ARL13B: variants seen among roughly 807,000 people sequenced by gnomAD.
ARL13B encodes ARF like GTPase 13B.
In ARL13B, 36 loss-of-function variants were observed where a neutral mutation model predicts 56.1. The observed-to-expected ratio is 0.64, with a 90% CI of 0.49 to 0.85. The LOEUF (loss-of-function observed/expected upper bound fraction) is 0.85. Among genes scored for constraint, ARL13B ranks in the 40% least tolerant of loss-of-function variants. ARL13B has a pLI of 0.00. For missense variants in ARL13B, 519 were observed against 507.1 expected (o/e 1.02, Z -0.23); for synonymous variants, 178 against 171.1 (o/e 1.04, Z -0.32).
intron 3 of ARL13B, among the ~76,000 whole-genome samples, chr3:94,032,366 T>G (rs2076690881): frequency 6.6e-6 from 1 of 152,204 alleles, no homozygotes; most frequent in South Asian, 2.1e-4. Context: ...CTCACACCAG[T>G]CAGAATTTTT....
At chr3:94,031,725 G>C (rs965272739) in intron 3 of ARL13B, among the ~76,000 whole-genome samples, 1 of 152,164 alleles carries the variant, frequency 6.6e-6, no homozygotes, top group African/African-American at 2.4e-5. Context: ...AAAGCTGGAG[G>C]CATCATATTA....
At chr3:93,992,387 T>C (rs996865939) in intron 1 of ARL13B, among the ~76,000 whole-genome samples, 6 of 152,198 alleles carry the variant, frequency 3.9e-5, no homozygotes, top group African/African-American at 1.2e-4. Context: ...TATTGTCTTC[T>C]CTGACTTCCA....
chr3:94,034,799 A>G (rs2076738212), intron 3 of ARL13B, among the ~76,000 whole-genome samples: 1 of 151,998 alleles, frequency 6.6e-6, no homozygotes, highest in Non-Finnish European at 1.5e-5. Flanking sequence ...TGTTTTCTTG[A>G]CACTTTATTT....
chr3:94,011,920 CT>C (rs773609023), intron 3 of ARL13B, among the ~76,000 whole-genome samples: 18 of 152,052 alleles, frequency 1.2e-4, no homozygotes, highest in Non-Finnish European at 1.8e-4. Flanking sequence ...TCTATAATTC[CT>C]TGAAACTGCT....
intron 1 of ARL13B, among the ~76,000 whole-genome samples, chr3:93,992,697 A>G (rs1009155617): frequency 1.1e-4 from 17 of 152,234 alleles, no homozygotes; most frequent in Non-Finnish European, 7.3e-5. Flanking sequence ...GTATACATAA[A>G]GAACAATTGA....
At chr3:94,049,624 C>A in intron 8 of ARL13B, 102 bp downstream of exon 8, 1 of 888,792 alleles carries the variant, frequency 1.1e-6, no homozygotes, top group Non-Finnish European at 1.8e-6. Context: ...TCTGTATATT[C>A]ATTATCTTGT....
At chr3:94,023,058 C>G (rs1241269004) in intron 3 of ARL13B, among the ~76,000 whole-genome samples, 1 of 151,886 alleles carries the variant, frequency 6.6e-6, no homozygotes, top group African/African-American at 2.4e-5. Flanking sequence ...TTTATATTCT[C>G]TATTTTTGAT....
At chr3:94,043,361 T>A (rs373268992) in intron 7 of ARL13B, 121 bp downstream of exon 7, 18 of 901,124 alleles carry the variant, frequency 2.0e-5, no homozygotes, top group Admixed American at 1.8e-4. Context: ...TGTCTTCAAA[T>A]GCCATATTTA....
At chr3:94,048,444 A>G (rs1471938434) in intron 7 of ARL13B, among the ~76,000 whole-genome samples, 3 of 152,320 alleles carry the variant, frequency 2.0e-5, no homozygotes, top group East Asian at 1.9e-4. Flanking sequence ...TAAAGTGTTT[A>G]TATGTGTTTA....
intron 1 of ARL13B, among the ~76,000 whole-genome samples, chr3:93,994,510 C>G (rs1317919276): frequency 2.0e-5 from 3 of 150,544 alleles, no homozygotes; most frequent in Non-Finnish European, 1.5e-5. Flanking sequence ...TTATTAGTGT[C>G]TGTCTTTTGT....
chr3:93,996,055 C>T, intron 2 of ARL13B, 111 bp downstream of exon 2: 1 of 1,059,224 alleles, frequency 9.4e-7, no homozygotes, highest in Non-Finnish European at 1.4e-6. Flanking sequence ...CTGTGCACTG[C>T]ATTACTTTAT....
rs758972813 is a variant in ARL13B, at chr3:94,032,069, G to A, written c.381-3262G>A. Among the ~76,000 whole-genome samples, 10 of 151,964 alleles carry A rather than the reference G, an allele frequency of 6.6e-5. No homozygotes were observed. The East Asian group carries it at 7.7e-4, about 12-fold the overall frequency. Reference sequence around the variant, plus strand: ...CAACAAAACCAGAAATAGACAAATGGGACTTAATTATTAAGTAAAAACTTC... The same window carrying A: ...CAACAAAACCAGAAATAGACAAATGAGACTTAATTATTAAGTAAAAACTTC... On this transcript the variant is annotated intron_variant, in intron 3 of 9. Coordinates refer to ENST00000394222, the MANE Select transcript of ARL13B (RefSeq NM_001174150.2).
chr3:94,038,800 C>G (rs1015133810), intron 5 of ARL13B, among the ~76,000 whole-genome samples: 1 of 151,952 alleles, frequency 6.6e-6, no homozygotes, highest in Non-Finnish European at 1.5e-5. Context: ...GGATTACAGG[C>G]GTGAGCCACC....
Position 93,982,818 on chromosome 3 carries a change from C to T in ARL13B, c.59+2336C>T, listed in dbSNP as rs78114780. ...TATTTGCCAAATATTGTATGTAGTT[C>T]GATTTTTCTTAGTAATAATCATCCT... On this transcript the variant is annotated intron_variant, in intron 1 of 9. Transcript: ENST00000394222. Among the ~76,000 whole-genome samples the T allele has an allele frequency of 3.8e-3, 572 of 152,078 alleles. 1 individual carries two copies. The highest frequency in any genetic ancestry group is 0.031 in the Middle Eastern group (9 of 292).
Position 94,023,654 on chromosome 3 carries a change from A to G in ARL13B, c.381-11677A>G, listed in dbSNP as rs1168859312. On this transcript the variant is annotated intron_variant, in intron 3 of 9. Coordinates refer to ENST00000394222, the MANE Select transcript of ARL13B (RefSeq NM_001174150.2). ...GTGACTTGCCTAAGGCCACACAACT[A>G]AAAGGTGGCAGATCCTACGTTTAGA... 2.0e-5 allele frequency among the ~76,000 whole-genome samples: 3 copies of G among 152,160 alleles called. 1 individual carries two copies. Among genetic ancestry groups the G allele is most frequent in the South Asian group, 4.1e-4 (2 of 4,832 alleles).
chr3:94,018,036 A>G (rs752223334), intron 3 of ARL13B, among the ~76,000 whole-genome samples: 3 of 152,164 alleles, frequency 2.0e-5, no homozygotes, highest in Admixed American at 6.5e-5. Context: ...CATGATTTGT[A>G]TATATTTTTT....
In ARL13B at chr3:94,050,812, CTTTTTCTTT is replaced by C; in HGVS notation, c.1142-11_1142-3del. 6.2e-7 allele frequency: 1 copy of C among 1,609,810 alleles called. No individual in the cohort carries two copies. Among genetic ancestry groups the C allele is most frequent in the Non-Finnish European group, 8.5e-7 (1 of 1,179,060 alleles). On this transcript the variant is annotated splice_region_variant and splice_polypyrimidine_tract_variant and intron_variant, in intron 8 of 9. Transcript: ENST00000394222. ...TTAACAGTGTTTTTTAAATGTTTTT[CTTTTTCTTT>C]AGTTGGCTGGGGAACCCCTAAAGTC...
intron 7 of ARL13B, among the ~76,000 whole-genome samples, chr3:94,045,411 CT>C (rs1170642116): frequency 2.0e-5 from 3 of 150,142 alleles, no homozygotes; most frequent in African/African-American, 7.4e-5. Flanking sequence ...CCACATCCCC[CT>C]CTCCGAGAAA....
chr3:94,026,920 G>A (rs1346687105), intron 3 of ARL13B, among the ~76,000 whole-genome samples: 1 of 152,048 alleles, frequency 6.6e-6, no homozygotes, highest in Non-Finnish European at 1.5e-5. Context: ...CTTGTTCTGG[G>A]AAATAGAAAA....
Sources: gnomAD v4.1 joint callset for allele counts (sites outside exome capture counted in the v4.1 genomes callset) on GRCh38, gnomAD v4.1.1 for gene constraint, MANE v1.5 for transcripts, NCBI Gene and HGNC (gene_info 2026-07-23, HGNC 2026-07-21) for gene names.